The following CCDC125 variants were observed in gnomAD, a reference collection of about 807,000 sequenced individuals.
The protein encoded by CCDC125 is coiled-coil domain containing 125, also known as coiled-coil domain-containing protein 125.
In CCDC125, 43 loss-of-function variants were observed where a neutral mutation model predicts 57.4. That is an observed-to-expected ratio of 0.75 (90% CI 0.59 to 0.97). CCDC125 has a LOEUF of 0.97. Among genes scored for constraint, CCDC125 ranks in the 50% least tolerant of loss-of-function variants. CCDC125 has a pLI of 0.00. For missense variants in CCDC125, 563 were observed against 595.7 expected (o/e 0.95, Z 0.57); for synonymous variants, 187 against 195.2 (o/e 0.96, Z 0.35).
chr5:69,279,322 G>T (rs569832366), downstream of CCDC125, among the ~76,000 whole-genome samples: 584 of 134,296 alleles, frequency 4.3e-3, 8 homozygotes, highest in African/African-American at 0.018. Context: ...TCAGCCTCCC[G>T]AGTAGCTGGG....
downstream of CCDC125, among the ~76,000 whole-genome samples, chr5:69,275,413 C>G (rs1010734489): frequency 6.6e-6 from 1 of 151,986 alleles, no homozygotes; most frequent in Non-Finnish European, 1.5e-5. Flanking sequence ...CTTGTAAGTT[C>G]TTTTTAAGTT....
At chr5:69,292,593 C>G (rs1244856137) in intron 9 of CCDC125, among the ~76,000 whole-genome samples, 1 of 152,140 alleles carries the variant, frequency 6.6e-6, no homozygotes, top group South Asian at 2.1e-4. Context: ...TGCCTGCTAA[C>G]CTAACCCCTG....
At chr5:69,313,455 G>A in intron 3 of CCDC125, 5 of 1,289,662 alleles carry the variant, frequency 3.9e-6, no homozygotes, top group South Asian at 1.2e-5. Context: ...CCTCCTCATA[G>A]TAGTTTGCTT....
At position 69,285,264 on chromosome 5, in the gene CCDC125, A is replaced by G. The variant is rs141515686; in HGVS notation, c.1230+73T>C. 467 of 1,520,832 alleles carry G rather than the reference A, an allele frequency of 3.1e-4. 4 individuals are homozygous for G. The African/African-American group carries it at 5.3e-3, about 17-fold the overall frequency. 94.2% of individuals were successfully genotyped at this position (1,520,832 alleles called of 1,614,324 possible). A position where few individuals can be genotyped will look rare whatever the true frequency, so the allele number is the denominator to read the frequency against. ...CACATTCAAAGCTGTTCTGGGCTGC[A>G]TGCTCCCCACGGACCGTGGGTTGGA... On this transcript the variant is annotated intron_variant, in intron 11 of 11. Transcript: ENST00000396496.
chr5:69,325,739 A>C (rs1371510014), intron 1 of CCDC125, among the ~76,000 whole-genome samples: 3 of 148,614 alleles, frequency 2.0e-5, no homozygotes, highest in African/African-American at 7.5e-5. Flanking sequence ...CAGGAGAATC[A>C]CTTGAAACCA....
intron 7 of CCDC125, 101 bp downstream of exon 7, chr5:69,303,746 A>C: frequency 1.5e-6 from 1 of 663,008 alleles, no homozygotes; most frequent in Non-Finnish European, 2.5e-6. Flanking sequence ...AACCTAAATG[A>C]TACATTTCTC....
chr5:69,315,325 G>A (rs182038941), intron 2 of CCDC125, among the ~76,000 whole-genome samples: 113 of 151,838 alleles, frequency 7.4e-4, no homozygotes, highest in Admixed American at 5.1e-3. Context: ...CACTTTGGGA[G>A]GCTGAGGCAG....
chr5:69,279,937 A>G (rs1752386018), downstream of CCDC125, among the ~76,000 whole-genome samples: 2 of 152,178 alleles, frequency 1.3e-5, no homozygotes, highest in African/African-American at 4.8e-5. Flanking sequence ...ATCCTGGCAG[A>G]AGGGGAAGCA....
chr5:69,285,946 G>T (rs746233113), intron 10 of CCDC125, among the ~76,000 whole-genome samples: 1 of 151,838 alleles, frequency 6.6e-6, no homozygotes, highest in Non-Finnish European at 1.5e-5. Context: ...ATGACCTCGG[G>T]TGACTTTTCT....
Position 69,280,866 on chromosome 5 carries a change from A to C in CCDC125, c.*1863T>G, listed in dbSNP as rs1752433303. 1 of 152,414 alleles carries C rather than the reference A, an allele frequency of 6.6e-6. No individual in the cohort carries two copies. Among genetic ancestry groups the C allele is most frequent in the Admixed American group, 6.6e-5 (1 of 15,266 alleles). 9.4% of individuals were successfully genotyped at this position (152,414 alleles called of 1,614,324 possible). A position where few individuals can be genotyped will look rare whatever the true frequency, so the allele number is the denominator to read the frequency against. ...ACTCAGGCTGGAGTGCAGTGGCACA[A>C]TCACAGCTCACTGCAGCCTCAAGCT... On this transcript the variant is annotated 3_prime_UTR_variant, in exon 12 of 12. Coordinates refer to ENST00000396496, the MANE Select transcript of CCDC125 (RefSeq NM_176816.5).
Position 69,281,824 on chromosome 5 carries a change from AAAT to A in CCDC125, c.*902_*904del, listed in dbSNP as rs1157243853. On this transcript the variant is annotated 3_prime_UTR_variant, in exon 12 of 12. Coordinates refer to ENST00000396496, the MANE Select transcript of CCDC125 (RefSeq NM_176816.5). ...ATCCCTATAGTCAATCAAAATAGTT[AAAT>A]AATTTTTTGTTTTTCCCAAAAATCA... The A allele has an allele frequency of 6.6e-6, 1 of 152,092 alleles. No homozygotes were observed. Among genetic ancestry groups the A allele is most frequent in the Non-Finnish European group, 1.5e-5 (1 of 68,030 alleles). 9.4% of individuals were successfully genotyped at this position (152,092 alleles called of 1,614,324 possible). A position where few individuals can be genotyped will look rare whatever the true frequency, so the allele number is the denominator to read the frequency against.
intron 2 of CCDC125, among the ~76,000 whole-genome samples, chr5:69,314,838 T>C (rs1327413174): frequency 6.6e-6 from 1 of 151,960 alleles, no homozygotes; most frequent in Non-Finnish European, 1.5e-5. Flanking sequence ...AAAACTGATG[T>C]TAATGAGTTG....
intron 1 of CCDC125, among the ~76,000 whole-genome samples, chr5:69,330,414 T>G (rs1176154844): frequency 6.6e-6 from 1 of 151,952 alleles, no homozygotes; most frequent in Non-Finnish European, 1.5e-5. Context: ...GCCAACATAG[T>G]GAAACCCTGT....
At chr5:69,322,342 G>C (rs182026367) in intron 1 of CCDC125, among the ~76,000 whole-genome samples, 3 of 152,114 alleles carry the variant, frequency 2.0e-5, no homozygotes, top group African/African-American at 7.2e-5. Flanking sequence ...AATAAAGGAA[G>C]AGAGGAATAA....
At chr5:69,314,845 GT>G (rs1758752189) in intron 2 of CCDC125, among the ~76,000 whole-genome samples, 1 of 151,814 alleles carries the variant, frequency 6.6e-6, no homozygotes, top group Admixed American at 6.6e-5. Flanking sequence ...ATGTTAATGA[GT>G]TGGTTAATTA....
chr5:69,292,910 G>A lies in CCDC125; in HGVS notation c.925-548C>T, dbSNP rs951915812. ...GGCTGGAGTGCAGTGTCGTGATCTC[G>A]GCTCACTGCAAGCTCCGCCTCCTGG... On this transcript the variant is annotated intron_variant, in intron 9 of 11. Coordinates refer to ENST00000396496, the MANE Select transcript of CCDC125 (RefSeq NM_176816.5). 6.7e-5 allele frequency among the ~76,000 whole-genome samples: 10 copies of A among 149,794 alleles called. No homozygotes were observed. The South Asian group carries it at 1.7e-3, about 25-fold the overall frequency.
At chr5:69,277,235 GTAAATAT>G, downstream of CCDC125, 1 of 764,380 alleles carries the variant, frequency 1.3e-6, no homozygotes, top group Non-Finnish European at 2.1e-6. Flanking sequence ...AAGTGAGTTT[GTAAATAT>G]TCTACACATG....
At chr5:69,306,091 C>T (rs1289169500) in intron 6 of CCDC125, among the ~76,000 whole-genome samples, 3 of 151,282 alleles carry the variant, frequency 2.0e-5, no homozygotes, top group Admixed American at 1.3e-4. Flanking sequence ...TCTTATTTTT[C>T]ATCTTTTTTT....
At chr5:69,308,210 CT>C in intron 4 of CCDC125, 182 bp from the exon 5 acceptor site, 1 of 598,470 alleles carries the variant, frequency 1.7e-6, no homozygotes, top group Admixed American at 2.9e-5. Flanking sequence ...TGGTTTGGCT[CT>C]TTTCCAATGA....
Sources: gnomAD v4.1 joint callset for allele counts (sites outside exome capture counted in the v4.1 genomes callset) on GRCh38, gnomAD v4.1.1 for gene constraint, MANE v1.5 for transcripts, NCBI Gene and HGNC (gene_info 2026-07-23, HGNC 2026-07-21) for gene names.